Variants in DOCK8 observed in about 807,000 individuals in gnomAD.
The protein encoded by DOCK8 is dedicator of cytokinesis 8, also known as dedicator of cytokinesis protein 8.
A neutral mutation model predicts 245.6 loss-of-function variants in DOCK8; 141 were observed. That is an observed-to-expected ratio of 0.57 (90% CI 0.50 to 0.66). The LOEUF (loss-of-function observed/expected upper bound fraction) is 0.66, where lower values mean the gene tolerates loss of function less well. Among genes scored for constraint, DOCK8 ranks in the 30% least tolerant of loss-of-function variants. The probability of loss-of-function intolerance (pLI) is 0.00; values close to 1 mark genes in which losing one functional copy is unlikely to be tolerated. For missense variants in DOCK8, 2,965 were observed against 2,603.4 expected, an observed-to-expected ratio of 1.14 and a Z score of -3.02; for synonymous variants, 1,168 against 970.2, an observed-to-expected ratio of 1.20 and a Z score of -3.79.
chr9:323,929 G>A (rs557773378), intron 7 of DOCK8, among the ~76,000 whole-genome samples: 1 of 152,184 alleles, frequency 6.6e-6, no homozygotes, highest in Non-Finnish European at 1.5e-5. Context: ...GGACAAGTGG[G>A]TTACTTCCAC....
intron 23 of DOCK8, among the ~76,000 whole-genome samples, chr9:389,976 C>A (rs749422310): frequency 6.6e-6 from 1 of 151,756 alleles, no homozygotes; most frequent in Admixed American, 6.6e-5. Flanking sequence ...AGCGAGATTA[C>A]GCCACCGCAT....
rs534412722 is a variant in DOCK8 at position 318,815 on chromosome 9, C to T, written c.827+1687C>T. On this transcript the variant is annotated intron_variant, in intron 7 of 47. Transcript: ENST00000432829. ...AGCCTTCGCTATTGTCTGAGGGACA[C>T]ACCTGCCCCGACAGGATGCATCATC... is the stretch of plus-strand genomic sequence containing the variant. Among the ~76,000 whole-genome samples the T allele has an allele frequency of 1.1e-3, 170 of 152,336 alleles. 1 individual carries two copies. In the South Asian group the frequency reaches 0.033, roughly 30 times the overall value.
At chr9:322,552 G>C (rs2050557702) in intron 7 of DOCK8, among the ~76,000 whole-genome samples, 1 of 152,052 alleles carries the variant, frequency 6.6e-6, no homozygotes, top group Non-Finnish European at 1.5e-5. Context: ...GTTAAATGCA[G>C]ATAATATCTG....
intron 19 of DOCK8, among the ~76,000 whole-genome samples, 197 bp downstream of exon 19, chr9:376,502 A>G (rs574120435): frequency 4.6e-5 from 7 of 152,362 alleles, no homozygotes; most frequent in South Asian, 2.1e-4. Context: ...ACCGCCGAGC[A>G]CCTAAAGGAA....
At chr9:441,507 G>A in intron 41 of DOCK8, 90 bp downstream of exon 41, 5 of 1,589,246 alleles carry the variant, frequency 3.1e-6, no homozygotes, top group South Asian at 1.1e-5. Flanking sequence ...TCTCCAGGGA[G>A]TGATTTATCT....
chr9:425,488 C>CAT (rs2056455924), intron 33 of DOCK8, among the ~76,000 whole-genome samples: 1 of 144,530 alleles, frequency 6.9e-6, no homozygotes, highest in Non-Finnish European at 1.5e-5. Context: ...GCCAAGATTG[C>CAT]GCCACTGCAC....
intron 14 of DOCK8, among the ~76,000 whole-genome samples, chr9:357,397 A>G (rs879930567): frequency 5.3e-5 from 8 of 152,182 alleles, no homozygotes; most frequent in Admixed American, 5.2e-4. Context: ...TCTCACTGAA[A>G]GAAATCTTTA....
chr9:215,688 A>T (rs2046734177), intron 1 of DOCK8: 1 of 350,854 alleles, frequency 2.9e-6, no homozygotes. Context: ...GAACTCCAGC[A>T]AAAAGCTAAG....
Position 271,632 on chromosome 9 carries a change from C to T in DOCK8, c.59C>T (p.Ser20Phe), listed in dbSNP as rs1363190971. Reference sequence around the variant, plus strand: ...TTTTTCTATTTTAATCCAAGGTATTCTTCAGCGGAAATAAGGAAACAGTTT... The same window carrying T: ...TTTTTCTATTTTAATCCAAGGTATTTTTCAGCGGAAATAAGGAAACAGTTT... The part of the protein sequence containing the change: ...RAFALKINRY[S>F]SAEIRKQFTL... Residue 20 changes from serine to phenylalanine, a missense_variant, in exon 2 of 48, where the codon TCT becomes TTT. Around this residue, in one of 3 missense-constraint regions of DOCK8, gnomAD observed 2,825 missense variants for 2,453.5 expected, o/e 1.15. Coordinates refer to ENST00000432829, the MANE Select transcript of DOCK8 (RefSeq NM_203447.4). 4.5e-6 allele frequency: 7 copies of T among 1,545,296 alleles called. No homozygotes were observed. In the Admixed American group the frequency reaches 5.9e-5, roughly 13 times the overall value.
Position 399,210 on chromosome 9 carries a change from T to A in DOCK8, c.3185T>A (p.Leu1062His). 1 of 1,613,994 alleles carries A rather than the reference T, an allele frequency of 6.2e-7. No homozygotes were observed. Among genetic ancestry groups the A allele is most frequent in the Non-Finnish European group, 8.5e-7 (1 of 1,179,978 alleles). The stretch of plus-strand genomic sequence containing the variant: ...TTCTTCTTGTATGACCTTCTCTCCC[T>A]CATGGATCGGGGCTTTGTGTTTAAC... ...LAFFLYDLLS[L>H]MDRGFVFNLI... The change falls in exon 26 of 48, where the codon CTC becomes CAC. Residue 1062 changes from leucine (L) to histidine (H), a missense_variant. Coordinates refer to ENST00000432829, the MANE Select transcript of DOCK8 (RefSeq NM_203447.4).
At chr9:247,707 G>C (rs1418728082) in intron 1 of DOCK8, among the ~76,000 whole-genome samples, 1 of 151,842 alleles carries the variant, frequency 6.6e-6, no homozygotes, top group Non-Finnish European at 1.5e-5. Flanking sequence ...CTAATTTTTT[G>C]TATTTTTTTT....
chr9:412,271 G>A (rs2055767419), intron 28 of DOCK8, among the ~76,000 whole-genome samples: 1 of 152,018 alleles, frequency 6.6e-6, no homozygotes, highest in Admixed American at 6.6e-5. Flanking sequence ...GGGCATTGGT[G>A]GCTTGTGTTT....
intron 14 of DOCK8, chr9:365,756 C>T (rs1187977264): frequency 9.5e-6 from 4 of 420,322 alleles, no homozygotes; most frequent in African/African-American, 8.4e-5. Context: ...AGAGAACACC[C>T]TCAATCCCGC....
At chr9:353,877 A>C (rs983149251) in intron 14 of DOCK8, among the ~76,000 whole-genome samples, 1 of 152,180 alleles carries the variant, frequency 6.6e-6, no homozygotes, top group East Asian at 1.9e-4. Flanking sequence ...CATTCTTCTT[A>C]TTATCTGACC....
In DOCK8 at chr9:455,349, A is replaced by G. The variant is rs549767301; in HGVS notation, c.6068+3232A>G. Among the ~76,000 whole-genome samples, 4 of 148,870 alleles carry G rather than the reference A, an allele frequency of 2.7e-5. No homozygotes were observed. In the South Asian group the frequency reaches 8.6e-4, roughly 32 times the overall value. Reference sequence around the variant, plus strand: ...TCTCTTTAAAAAAATACAAAAAAATACAAAAATTTAGCCAAGCGTGGTAGT... The same window carrying G: ...TCTCTTTAAAAAAATACAAAAAAATGCAAAAATTTAGCCAAGCGTGGTAGT... On this transcript the variant is annotated intron_variant, in intron 46 of 47. Coordinates refer to ENST00000432829, the MANE Select transcript of DOCK8 (RefSeq NM_203447.4).
At chr9:396,027 G>C (rs1452962555) in intron 24 of DOCK8, among the ~76,000 whole-genome samples, 1 of 151,900 alleles carries the variant, frequency 6.6e-6, no homozygotes, top group Non-Finnish European at 1.5e-5. Flanking sequence ...TCTATATAGA[G>C]ATACTAGATA....
At chr9:313,991 T>C (rs1350320336) in intron 6 of DOCK8, among the ~76,000 whole-genome samples, 1 of 152,200 alleles carries the variant, frequency 6.6e-6, no homozygotes, top group Non-Finnish European at 1.5e-5. Flanking sequence ...ATCATCTCCT[T>C]TCCTCAGATT....
At chr9:308,550 T>G (rs2049951090) in intron 5 of DOCK8, among the ~76,000 whole-genome samples, 1 of 152,252 alleles carries the variant, frequency 6.6e-6, no homozygotes, top group African/African-American at 2.4e-5. Flanking sequence ...TAAGATTCCT[T>G]GGTACACGTA....
chr9:355,307 G>C (rs1238809403), intron 14 of DOCK8, among the ~76,000 whole-genome samples: 2 of 148,118 alleles, frequency 1.4e-5, no homozygotes, highest in East Asian at 4.1e-4. Context: ...TGGTACAAGC[G>C]ATTCCCCTGC....
Sources: gnomAD v4.1 joint callset for allele counts (sites outside exome capture counted in the v4.1 genomes callset) on GRCh38, gnomAD v4.1.1 for gene constraint, gnomAD v4.1.1 regional missense constraint, MANE v1.5 for transcripts, NCBI Gene and HGNC (gene_info 2026-07-23, HGNC 2026-07-21) for gene names.